MCMBP: variants seen among roughly 807,000 people sequenced by gnomAD.
MCMBP encodes the protein mini-chromosome maintenance complex-binding protein.
MCMBP carries 31 observed loss-of-function variants against 81.3 expected under a neutral mutation model. The ratio of observed to expected loss-of-function variants is 0.38; its 90% CI spans 0.29 to 0.51. The LOEUF (loss-of-function observed/expected upper bound fraction) is 0.51, where lower values mean the gene tolerates loss of function less well. Among genes scored for constraint, MCMBP ranks in the 20% least tolerant of loss-of-function variants. The pLI, the probability that MCMBP is intolerant of heterozygous loss-of-function variation, is 0.87. For missense variants in MCMBP, 645 were observed against 772.1 expected (o/e 0.84, Z 1.95); for synonymous variants, 267 against 275.9 (o/e 0.97, Z 0.32).
intron 11 of MCMBP, among the ~76,000 whole-genome samples, chr10:119,839,519 A>G (rs1462818186): frequency 1.3e-5 from 2 of 152,134 alleles, no homozygotes; most frequent in African/African-American, 4.8e-5. Context: ...CCTACCATGT[A>G]TTAATTTATT....
chr10:119,847,248 T>C (rs1337965644), intron 8 of MCMBP, among the ~76,000 whole-genome samples: 1 of 152,136 alleles, frequency 6.6e-6, no homozygotes, highest in Non-Finnish European at 1.5e-5. Context: ...AGAAAGAACA[T>C]GATTAAGACA....
chr10:119,872,441 G>A, intron 1 of MCMBP, 86 bp downstream of exon 1: 2 of 819,004 alleles, frequency 2.4e-6, no homozygotes, highest in Non-Finnish European at 3.2e-6. Context: ...AGATGGTACC[G>A]CGTGGGGGCC....
intron 1 of MCMBP, among the ~76,000 whole-genome samples, chr10:119,865,423 C>T (rs2134404575): frequency 6.6e-6 from 1 of 152,252 alleles, no homozygotes; most frequent in Middle Eastern, 3.4e-3. Context: ...GAAACCTCAT[C>T]TCTACTAAAA....
At position 119,830,699 on chromosome 10, in the gene MCMBP, G is replaced by A. The variant is rs976784606; in HGVS notation, c.*775C>T. The A allele has an allele frequency of 1.1e-4, 17 of 152,584 alleles. No homozygotes were observed. Among genetic ancestry groups the A allele is most frequent in the African/African-American group, 3.9e-4 (16 of 41,500 alleles). 9.5% of individuals were successfully genotyped at this position (152,584 alleles called of 1,614,324 possible). On this transcript the variant is annotated 3_prime_UTR_variant, in exon 16 of 16. Coordinates refer to ENST00000369077, the MANE Select transcript of MCMBP (RefSeq NM_001256378.2). ...TGCCCCCAAAAGCCACATTCATTCCGTTTAAAGGACTCCTCTTATTCAGAG... is the reference window on the plus strand; with the variant it reads ...TGCCCCCAAAAGCCACATTCATTCCATTTAAAGGACTCCTCTTATTCAGAG...
At chr10:119,864,748 C>T (rs757530211) in intron 1 of MCMBP, among the ~76,000 whole-genome samples, 1 of 151,884 alleles carries the variant, frequency 6.6e-6, no homozygotes, top group African/African-American at 2.4e-5. Context: ...TCACTTGAGA[C>T]CTTCTCTTCT....
At chr10:119,844,057 T>A (rs540648052) in intron 8 of MCMBP, among the ~76,000 whole-genome samples, 1 of 152,370 alleles carries the variant, frequency 6.6e-6, no homozygotes, top group African/African-American at 2.4e-5. Flanking sequence ...CTTGAACTAT[T>A]GGCCGGGACA....
chr10:119,866,603 G>A (rs1198101506), intron 1 of MCMBP, among the ~76,000 whole-genome samples: 1 of 152,080 alleles, frequency 6.6e-6, no homozygotes, highest in Non-Finnish European at 1.5e-5. Flanking sequence ...TCCAGCCTGG[G>A]CAACAGAGTG....
intron 13 of MCMBP, 83 bp from the exon 14 acceptor site, chr10:119,835,787 G>A: frequency 3.6e-6 from 5 of 1,392,814 alleles, no homozygotes; most frequent in Non-Finnish European, 5.0e-6. Context: ...ATCTCTGTCA[G>A]CCCCTATGGG....
At position 119,842,615 on chromosome 10, in the gene MCMBP, C is replaced by T. The variant is rs1852472754; in HGVS notation, c.1001-20G>A. 1.2e-6 allele frequency: 2 copies of T among 1,609,328 alleles called. No individual in the cohort carries two copies. Among genetic ancestry groups the T allele is most frequent in the Non-Finnish European group, 1.7e-6 (2 of 1,177,798 alleles). On this transcript the variant is annotated intron_variant, in intron 9 of 15. Transcript: ENST00000369077. Reference sequence around the variant, plus strand: ...AAACAACTGAAGGAGAAAGGAAGACCTGAGTCAGGACACACACTCCAGTTC... The same window carrying T: ...AAACAACTGAAGGAGAAAGGAAGACTTGAGTCAGGACACACACTCCAGTTC...
chr10:119,833,714 C>A (rs554816181), intron 14 of MCMBP, among the ~76,000 whole-genome samples: 5 of 151,984 alleles, frequency 3.3e-5, no homozygotes, highest in Non-Finnish European at 7.4e-5. Flanking sequence ...ACAAAGAAAC[C>A]AGAAGGTATG....
Position 119,847,633 on chromosome 10 carries a change from A to T in MCMBP, c.807T>A (p.Ser269Arg). The T allele has an allele frequency of 6.2e-7, 1 of 1,607,146 alleles. No individual in the cohort carries two copies. Among genetic ancestry groups the T allele is most frequent in the East Asian group, 2.2e-5 (1 of 44,744 alleles). ...YGILSVDPVLSILNNDERDAS... is the reference protein window; with the variant it reads ...YGILSVDPVLRILNNDERDAS... ...CTCACCTTTCATCATTATTCAGTAT[A>T]CTCAGCACAGGATCCACAGACAGTA... is the stretch of plus-strand genomic sequence containing the variant. Residue 269 changes from serine (S) to arginine (R), a missense_variant, in exon 8 of 16, where the codon AGT becomes AGA. Physicochemically the swap from Ser to Arg is moderately radical, Grantham distance 110. Coordinates refer to ENST00000369077, the MANE Select transcript of MCMBP (RefSeq NM_001256378.2).
In MCMBP at chr10:119,837,024, G is replaced by T. The variant is rs745506666; in HGVS notation, c.1414C>A (p.His472Asn). 2 of 1,612,524 alleles carry T rather than the reference G, an allele frequency of 1.2e-6. No homozygotes were observed. Among genetic ancestry groups the T allele is most frequent in the South Asian group, 2.2e-5 (2 of 90,750 alleles). ...EQGQLDTPGV[H>N]NVTALSNLIT... is the part of the protein sequence containing the mutation. ...AGGTTGCTCAGGGCTGTCACATTAT[G>T]AACACCTACAAAGGCAGGAAAACAC... Residue 472 changes from histidine (H) to asparagine (N), a missense_variant, in exon 13 of 16, where the codon CAT (histidine) becomes AAT (asparagine). Transcript: ENST00000369077.
intron 1 of MCMBP, among the ~76,000 whole-genome samples, chr10:119,870,696 C>G (rs1183071925): frequency 6.6e-6 from 1 of 152,122 alleles, no homozygotes; most frequent in Non-Finnish European, 1.5e-5. Flanking sequence ...CCAAAAAGTG[C>G]CTATAAGTTA....
chr10:119,844,710 C>G (rs187375471), intron 8 of MCMBP, among the ~76,000 whole-genome samples: 46 of 152,310 alleles, frequency 3.0e-4, no homozygotes, highest in African/African-American at 1.0e-3. Context: ...CACCCTCAGT[C>G]TGGGTGGGCA....
intron 12 of MCMBP, among the ~76,000 whole-genome samples, chr10:119,837,992 G>A (rs531747936): frequency 7.9e-5 from 12 of 151,958 alleles, no homozygotes; most frequent in East Asian, 1.9e-4. Context: ...GCAACATAGC[G>A]AGACCCTGTC....
Position 119,836,997 on chromosome 10 carries a change from T to C in MCMBP, c.1441A>G (p.Ile481Val), listed in dbSNP as rs746744631. Residue 481 changes from isoleucine (I) to valine (V), a missense_variant, in exon 13 of 16, where the codon ATA becomes GTA. Transcript: ENST00000369077. ...TCATAATCCACCTTCTGCCACGTTA[T>C]GAGGTTGCTCAGGGCTGTCACATTA... is the stretch of plus-strand genomic sequence containing the variant. The part of the protein sequence containing the change: ...VHNVTALSNL[I>V]TWQKVDYDFS... 3.1e-6 allele frequency: 5 copies of C among 1,613,766 alleles called. No individual in the cohort carries two copies. In the African/African-American group the frequency reaches 5.3e-5, roughly 17 times the overall value.
At chr10:119,852,412 G>A (rs1285712117) in intron 6 of MCMBP, among the ~76,000 whole-genome samples, 1 of 152,138 alleles carries the variant, frequency 6.6e-6, no homozygotes, top group Non-Finnish European at 1.5e-5. Context: ...GGTGGCTCGC[G>A]CCTGTTATGC....
At chr10:119,857,209 G>T in intron 5 of MCMBP, 129 bp downstream of exon 5, 2 of 579,170 alleles carry the variant, frequency 3.5e-6, no homozygotes, top group Non-Finnish European at 5.9e-6. Flanking sequence ...CCCGTTTTAT[G>T]GGTTTTCTCA....
intron 1 of MCMBP, among the ~76,000 whole-genome samples, chr10:119,863,047 A>C (rs1377955063): frequency 6.6e-6 from 1 of 152,170 alleles, no homozygotes; most frequent in Non-Finnish European, 1.5e-5. Flanking sequence ...TTCTGGATTC[A>C]AGTTCTTTTT....
Sources: gnomAD v4.1 joint callset for allele counts (sites outside exome capture counted in the v4.1 genomes callset) on GRCh38, gnomAD v4.1.1 for gene constraint, MANE v1.5 for transcripts, NCBI Gene and HGNC (gene_info 2026-07-23, HGNC 2026-07-21) for gene names.